The following FLG variants were observed in gnomAD, a reference collection of about 807,000 sequenced individuals.
FLG encodes epidermal filaggrin.
In FLG, 6 loss-of-function variants were observed where a neutral mutation model predicts 3.8. The ratio of observed to expected loss-of-function variants is 1.60; its 90% CI spans 0.87 to 3.15. The LOEUF (loss-of-function observed/expected upper bound fraction) is 3.15. Among genes scored for constraint, FLG ranks in the 30% most tolerant of loss-of-function variants. FLG has a pLI of 0.00. For missense variants in FLG, 7,595 were observed against 5,050.9 expected (o/e 1.50, Z -15.27); for synonymous variants, 2,551 against 1,931.6 (o/e 1.32, Z -8.41).
Position 152,303,202 on chromosome 1 carries a change from G to T in FLG, c.11684C>A (p.Ser3895Ter). The part of the protein sequence containing the change: ...RNHHGSSREQ[S>*]RDGSRHPGSS... ...TCCGGGGTGTCTGGAGCCATCTCTTGACTGCTCCCGAGAAGATCCATGATG... is the reference window on the plus strand; with the variant it reads ...TCCGGGGTGTCTGGAGCCATCTCTTTACTGCTCCCGAGAAGATCCATGATG... The change falls in exon 3 of 3, where the codon TCA (serine) becomes TAA (stop). Residue 3895 changes from serine to a stop codon, truncating the protein, a stop_gained. Coordinates refer to ENST00000368799, the MANE Select transcript of FLG (RefSeq NM_002016.2). LOFTEE classifies it low-confidence loss of function (END_TRUNC). 1.9e-6 allele frequency: 3 copies of T among 1,614,126 alleles called. No homozygotes were observed. Among genetic ancestry groups the T allele is most frequent in the East Asian group, 2.2e-5 (1 of 44,878 alleles).
chr1:152,310,189 G>T lies in FLG; in HGVS notation c.4697C>A (p.Thr1566Asn). ...TGAGTGTCTAGAGCTGCCGGCCCGA[G>T]TGGAAGGTTCATGGTGACGTGACCC... is the stretch of plus-strand genomic sequence containing the variant. ...HSGSRHHEPS[T>N]RAGSSRHSQV... Residue 1566 changes from threonine (T) to asparagine (N), a missense_variant, in exon 3 of 3, where the codon ACT becomes AAT. Transcript: ENST00000368799. The T allele has an allele frequency of 4.3e-6, 7 of 1,613,852 alleles. No individual in the cohort carries two copies. Among genetic ancestry groups the T allele is most frequent in the Non-Finnish European group, 5.9e-6 (7 of 1,179,986 alleles).
Position 152,310,921 on chromosome 1 carries a change from G to A in FLG, c.3965C>T (p.Ser1322Phe). 6.2e-7 allele frequency: 1 copy of A among 1,614,104 alleles called. No individual in the cohort carries two copies. The change falls in exon 3 of 3, where the codon TCT (serine) becomes TTT (phenylalanine). Residue 1322 changes from serine to phenylalanine, a missense_variant. Coordinates refer to ENST00000368799, the MANE Select transcript of FLG (RefSeq NM_002016.2). ...GCCTGATTGTCTGGAGCTGTCTGCAGAGTGCCCGTGACTGGCTCTGTCTTC... is the reference window on the plus strand; with the variant it reads ...GCCTGATTGTCTGGAGCTGTCTGCAAAGTGCCCGTGACTGGCTCTGTCTTC... The part of the protein sequence containing the change: ...HQEDRASHGH[S>F]ADSSRQSGTH...
In FLG at chr1:152,311,647, T is replaced by C. The variant is rs1652439614; in HGVS notation, c.3239A>G (p.Glu1080Gly). ...QASDSEGHSEESDTQSVSGHG... is the reference protein window; with the variant it reads ...QASDSEGHSEGSDTQSVSGHG... Reference sequence around the variant, plus strand: ...GCCTGACACTGACTGTGTGTCTGACTCCTCTGAATGTCCCTCACTATCACT... The same window carrying C: ...GCCTGACACTGACTGTGTGTCTGACCCCTCTGAATGTCCCTCACTATCACT... The change falls in exon 3 of 3, where the codon GAG becomes GGG. Residue 1080 changes from glutamate (E) to glycine (G), a missense_variant. Transcript: ENST00000368799. 6.2e-7 allele frequency: 1 copy of C among 1,614,142 alleles called. No individual in the cohort carries two copies. Among genetic ancestry groups the C allele is most frequent in the Non-Finnish European group, 8.5e-7 (1 of 1,180,014 alleles).
At position 152,305,090 on chromosome 1, in the gene FLG, G is replaced by C; in HGVS notation, c.9796C>G (p.His3266Asp). ...GATTGTCTGGAGCGGTCTGCAGAGT[G>C]CCCGTGACCGGCTCTGTCTTCGTGA... is the stretch of plus-strand genomic sequence containing the variant. Reference protein sequence around the residue: ...SHHEDRAGHGHSADRSRQSGT... With the variant: ...SHHEDRAGHGDSADRSRQSGT... The change falls in exon 3 of 3, where the codon CAC becomes GAC. Residue 3266 changes from histidine (H) to aspartate (D), a missense_variant. By Grantham distance (81) the His-to-Asp change is moderately conservative. Coordinates refer to ENST00000368799, the MANE Select transcript of FLG (RefSeq NM_002016.2). 2.5e-6 allele frequency: 4 copies of C among 1,613,936 alleles called. No individual in the cohort carries two copies. Among genetic ancestry groups the C allele is most frequent in the African/African-American group, 1.3e-5 (1 of 75,000 alleles).
In FLG at chr1:152,311,281, C is replaced by T; in HGVS notation, c.3605G>A (p.Gly1202Glu). ...CTGCCCATGGGAGGCATCAGACCTT[C>T]CCTGGGATGTGGTGTGGCTGTGATG... ...GSHHSHTTSQ[G>E]RSDASHGQSG... The change falls in exon 3 of 3, where the codon GGA becomes GAA. Residue 1202 changes from glycine to glutamate, a missense_variant. Coordinates refer to ENST00000368799, the MANE Select transcript of FLG (RefSeq NM_002016.2). 2 of 1,613,836 alleles carry T rather than the reference C, an allele frequency of 1.2e-6. No individual in the cohort carries two copies. Among genetic ancestry groups the T allele is most frequent in the Non-Finnish European group, 8.5e-7 (1 of 1,179,968 alleles).
In FLG at chr1:152,307,597, C is replaced by T. The variant is rs564069531; in HGVS notation, c.7289G>A (p.Arg2430Gln). The change falls in exon 3 of 3, where the codon CGG becomes CAG. Residue 2430 changes from arginine (R) to glutamine (Q), a missense_variant. By Grantham distance (43) the Arg-to-Gln change is conservative. Coordinates refer to ENST00000368799, the MANE Select transcript of FLG (RefSeq NM_002016.2). ...THEQSESAHG[R>Q]TGTSTGGRQG... ...TCTTCCTCCAGTGCTGGTCCCGGTC[C>T]GTCCATGGGCGGACTCAGACTGTTC... The T allele has an allele frequency of 6.5e-5, 105 of 1,613,608 alleles. 1 individual carries two copies. In the Middle Eastern group the frequency reaches 6.6e-4, roughly 10 times the overall value.
rs1269323173 is a variant in FLG at position 152,309,379 on chromosome 1, G to C, written c.5507C>G (p.Ser1836Cys). 10 of 1,613,620 alleles carry C rather than the reference G, an allele frequency of 6.2e-6. No individual in the cohort carries two copies. Among genetic ancestry groups the C allele is most frequent in the African/African-American group, 1.3e-5 (1 of 74,780 alleles). ...GCTGTGATGAGACCCTGAGTGTCCA[G>C]AACTATCTACCGATTGCTCATAGTG... ...GSHYEQSVDS[S>C]GHSGSHHSHT... The change falls in exon 3 of 3, where the codon TCT (serine) becomes TGT (cysteine). Residue 1836 changes from serine (S) to cysteine (C), a missense_variant. Physicochemically the swap from Ser to Cys is moderately radical, Grantham distance 112 (BLOSUM62 -1). Transcript: ENST00000368799.
rs1327602325 is a variant in FLG at position 152,310,314 on chromosome 1, G to C, written c.4572C>G (p.Pro1524=). The change falls in exon 3 of 3, where the codon CCC becomes CCG. Residue 1524 remains proline (P), a synonymous_variant. Transcript: ENST00000368799. The part of the protein sequence containing the change: ...HSGYHHSHTT[P]QGRSDASHGQ... Reference sequence around the variant, plus strand: ...CATGGGAGGCATCAGACCTTCCCTGGGGTGTGGTGTGGCTGTGATGGTACC... The same window carrying C: ...CATGGGAGGCATCAGACCTTCCCTGCGGTGTGGTGTGGCTGTGATGGTACC... 2 of 1,613,696 alleles carry C rather than the reference G, an allele frequency of 1.2e-6. No homozygotes were observed. Among genetic ancestry groups the C allele is most frequent in the Non-Finnish European group, 1.7e-6 (2 of 1,179,986 alleles).
chr1:152,317,112 C>T (rs1187991002), intron 1 of FLG, among the ~76,000 whole-genome samples: 2 of 152,124 alleles, frequency 1.3e-5, no homozygotes, highest in Non-Finnish European at 2.9e-5. Context: ...CTCTCTCTTG[C>T]CTACCCAAAC....
rs139476473 is a variant in FLG, at chr1:152,307,871, C to T, written c.7015G>A (p.Asp2339Asn). 187,172 of 1,447,938 alleles carry T rather than the reference C, an allele frequency of 0.13. 1,352 individuals are homozygous for T. The highest frequency in any genetic ancestry group is 0.42 in the East Asian group (17,306 of 41,264). The allele number at this position is 1,447,938 out of a possible 1,614,324, so 89.7% of individuals were successfully genotyped here. The change falls in exon 3 of 3, where the codon GAC (aspartate) becomes AAC (asparagine). Residue 2339 changes from aspartate (D) to asparagine (N), a missense_variant. Physicochemically the swap from Asp to Asn is conservative, Grantham distance 23. Coordinates refer to ENST00000368799, the MANE Select transcript of FLG (RefSeq NM_002016.2). Reference protein sequence around the residue: ...RHGSHHQQSADSSRHSGIGHG... With the variant: ...RHGSHHQQSANSSRHSGIGHG... ...CCAATGCCTGAGTGTCTGGAGCTGTCTGCTGACTGCTGGTGGTGGGATCCG... is the reference window on the plus strand; with the variant it reads ...CCAATGCCTGAGTGTCTGGAGCTGTTTGCTGACTGCTGGTGGTGGGATCCG...
At chr1:152,318,965 A>G (rs1427533744) in intron 1 of FLG, among the ~76,000 whole-genome samples, 2 of 151,776 alleles carry the variant, frequency 1.3e-5, no homozygotes, top group Admixed American at 1.3e-4. Context: ...CTTAAAATGG[A>G]AAAATAAGAA....
In FLG at chr1:152,308,688, C is replaced by T. The variant is rs758372218; in HGVS notation, c.6198G>A (p.Gly2066=). The T allele has an allele frequency of 5.6e-6, 9 of 1,614,036 alleles. No homozygotes were observed. The highest frequency in any genetic ancestry group is 3.3e-5 in the Admixed American group (2 of 60,004). The stretch of plus-strand genomic sequence containing the variant: ...ACTCTTTGTGGCTCTGCTGATGGGG[C>T]CCAGCTTTTCCCTGTGCTGACACTG... The part of the protein sequence containing the change: ...TQSVSAQGKA[G]PHQQSHKESA... The change falls in exon 3 of 3, where the codon GGG becomes GGA. Residue 2066 remains glycine, a synonymous_variant. Transcript: ENST00000368799.
chr1:152,305,187 C>A lies in FLG; in HGVS notation c.9699G>T (p.Gly3233=), dbSNP rs140148415. ...GHSEDSERWS[G]SASRNHRGSV... Reference sequence around the variant, plus strand: ...ATCCACGATGGTTTCTGGAAGCAGACCCAGACCACCTCTCAGAGTCTTCTG... The same window carrying A: ...ATCCACGATGGTTTCTGGAAGCAGAACCAGACCACCTCTCAGAGTCTTCTG... Residue 3233 remains glycine, a synonymous_variant, in exon 3 of 3, where the codon GGG becomes GGT. Coordinates refer to ENST00000368799, the MANE Select transcript of FLG (RefSeq NM_002016.2). The A allele has an allele frequency of 1.2e-5, 19 of 1,613,588 alleles. 2 individuals are homozygous for A. In the Middle Eastern group the frequency reaches 1.3e-3, roughly 112 times the overall value.
At position 152,310,825 on chromosome 1, in the gene FLG, C is replaced by T. The variant is rs143051055; in HGVS notation, c.4061G>A (p.Gly1354Glu). 6.8e-6 allele frequency: 11 copies of T among 1,611,860 alleles called. No individual in the cohort carries two copies. Among genetic ancestry groups the T allele is most frequent in the Middle Eastern group, 3.3e-4 (2 of 6,052 alleles). ...CTGGTGGCGGGATCCATGTCTTTCT[C>T]CTGGACTTGATCTTGCCTGTTCATG... ...SSHEQARSSP[G>E]ERHGSRHQQS... is the part of the protein sequence containing the mutation. The change falls in exon 3 of 3, where the codon GGA (glycine) becomes GAA (glutamate). Residue 1354 changes from glycine to glutamate, a missense_variant. Coordinates refer to ENST00000368799, the MANE Select transcript of FLG (RefSeq NM_002016.2).
At chr1:152,315,287 G>A (rs1245911384) in intron 2 of FLG, 32 bp downstream of exon 2, 1 of 1,606,828 alleles carries the variant, frequency 6.2e-7, no homozygotes, top group South Asian at 1.1e-5. Flanking sequence ...AAAAACAAAT[G>A]CTCTATCTTT....
Position 152,311,098 on chromosome 1 carries a change from C to A in FLG, c.3788G>T (p.Ser1263Ile). The A allele has an allele frequency of 6.2e-7, 1 of 1,613,946 alleles. No individual in the cohort carries two copies. Among genetic ancestry groups the A allele is most frequent in the Non-Finnish European group, 8.5e-7 (1 of 1,179,996 alleles). The change falls in exon 3 of 3, where the codon AGC becomes ATC. Residue 1263 changes from serine (S) to isoleucine (I), a missense_variant. Transcript: ENST00000368799. ...GCTAACACTGGATCCCTGGTGCCTG[C>A]TTGTCCTGGACCCCGATGATTGTTC... is the stretch of plus-strand genomic sequence containing the variant. ...GQEQSSGSRT[S>I]RHQGSSVSQD...
Position 152,302,776 on chromosome 1 carries a change from C to A in FLG, c.12110G>T (p.Gly4037Val), listed in dbSNP as rs1231145182. ...TATATCACTAGAATGGCCACATAAA[C>A]CTGGGTCCTTATTAATATACGTTGC... ...YYATYINKDP[G>V]LCGHSSDISK... The change falls in exon 3 of 3, where the codon GGT becomes GTT. Residue 4037 changes from glycine (G) to valine (V), a missense_variant. By Grantham distance (109) the Gly-to-Val change is moderately radical. Coordinates refer to ENST00000368799, the MANE Select transcript of FLG (RefSeq NM_002016.2). 6.2e-7 allele frequency: 1 copy of A among 1,614,110 alleles called. No individual in the cohort carries two copies. The highest frequency in any genetic ancestry group is 2.2e-5 in the East Asian group (1 of 44,884).
rs368218057 is a variant in FLG at position 152,310,119 on chromosome 1, G to T, written c.4767C>A (p.Arg1589=). The T allele has an allele frequency of 6.2e-7, 1 of 1,613,918 alleles. No individual in the cohort carries two copies. The highest frequency in any genetic ancestry group is 8.5e-7 in the Non-Finnish European group (1 of 1,179,974). ...GESAGSKTSR[R]QGSSVSQDRD... The stretch of plus-strand genomic sequence containing the variant: ...TGTCCTGACTAACACTGGATCCCTG[G>T]CGCCTGCTTGTCTTGGACCCCGCTG... Residue 1589 remains arginine (R), a synonymous_variant, in exon 3 of 3, where the codon CGC becomes CGA. Coordinates refer to ENST00000368799, the MANE Select transcript of FLG (RefSeq NM_002016.2).
chr1:152,323,502 G>A (rs562964778), intron 1 of FLG, among the ~76,000 whole-genome samples: 9 of 151,642 alleles, frequency 5.9e-5, no homozygotes, highest in Admixed American at 3.3e-4. Context: ...TTACAGAAAA[G>A]GATATCCAAA....
Sources: allele counts gnomAD v4.1 joint callset (sites outside exome capture counted in the v4.1 genomes callset), GRCh38; gene constraint gnomAD v4.1.1; transcripts MANE v1.5; gene names NCBI Gene and HGNC (gene_info 2026-07-23, HGNC 2026-07-21).